The following NTRK3 variants were observed in gnomAD, a reference collection of about 807,000 sequenced individuals.
NTRK3 encodes the protein NT-3 growth factor receptor.
Under a neutral mutation model 91.7 loss-of-function variants are expected in NTRK3, and 24 were observed. The observed-to-expected ratio is 0.26, with a 90% CI of 0.19 to 0.37. The LOEUF is 0.37. Among genes scored for constraint, NTRK3 ranks in the 10% least tolerant of loss-of-function variants. The pLI is 1.00. For missense variants in NTRK3, 880 were observed against 1,068.9 expected, an observed-to-expected ratio of 0.82 and a Z score of 2.46; for synonymous variants, 483 against 404.0, an observed-to-expected ratio of 1.20 and a Z score of -2.34.
intron 13 of NTRK3, among the ~76,000 whole-genome samples, chr15:88,044,287 G>T (rs1311115779): frequency 7.5e-6 from 1 of 134,198 alleles, no homozygotes; most frequent in Non-Finnish European, 1.6e-5. Context: ...TTGAGATGGA[G>T]TCTTGCTCTG....
intron 5 of NTRK3, among the ~76,000 whole-genome samples, chr15:88,159,701 C>T (rs2044253224): frequency 6.6e-6 from 1 of 152,146 alleles, no homozygotes; most frequent in Non-Finnish European, 1.5e-5. Flanking sequence ...CGAGGGATGC[C>T]TGTGCAGGCT....
intron 17 of NTRK3, among the ~76,000 whole-genome samples, chr15:87,920,729 C>T (rs1312438820): frequency 1.3e-5 from 2 of 152,174 alleles, no homozygotes; most frequent in Admixed American, 1.3e-4. Context: ...GCCCACCTAT[C>T]TCTGTTGCAG....
chr15:87,907,426 G>A (rs2066838480), intron 17 of NTRK3, among the ~76,000 whole-genome samples: 1 of 152,124 alleles, frequency 6.6e-6, no homozygotes, highest in Non-Finnish European at 1.5e-5. Flanking sequence ...GAACCTGGGA[G>A]GTTATGCTTA....
chr15:88,245,882 T>C (rs1046137192), intron 3 of NTRK3, among the ~76,000 whole-genome samples: 1 of 152,190 alleles, frequency 6.6e-6, no homozygotes, highest in Non-Finnish European at 1.5e-5. Flanking sequence ...TAGGGTTGTA[T>C]ATGTAAATGA....
intron 3 of NTRK3, among the ~76,000 whole-genome samples, chr15:88,247,616 G>A (rs2052962990): frequency 6.6e-6 from 1 of 152,284 alleles, no homozygotes; most frequent in Non-Finnish European, 1.5e-5. Context: ...ACCCTACGGG[G>A]GTGCCGGGCT....
intron 17 of NTRK3, among the ~76,000 whole-genome samples, chr15:87,911,143 G>C (rs1308697681): frequency 6.6e-6 from 1 of 152,204 alleles, no homozygotes; most frequent in Non-Finnish European, 1.5e-5. Context: ...CACAGGGAGA[G>C]ACAAGAGACA....
chr15:87,940,494 C>T, intron 15 of NTRK3, 129 bp downstream of exon 15: 1 of 1,464,788 alleles, frequency 6.8e-7, no homozygotes, highest in South Asian at 1.2e-5. Context: ...GACCTCGGAG[C>T]AAAGTCCTTT....
chr15:87,877,642 C>A (rs2065012441), intron 18 of NTRK3, among the ~76,000 whole-genome samples: 1 of 152,112 alleles, frequency 6.6e-6, no homozygotes, highest in Admixed American at 6.5e-5. Flanking sequence ...ACCACACTTG[C>A]CTCTGAGTCA....
intron 3 of NTRK3, among the ~76,000 whole-genome samples, chr15:88,185,962 G>C (rs752773751): frequency 2.0e-5 from 3 of 152,210 alleles, no homozygotes; most frequent in Non-Finnish European, 2.9e-5. Flanking sequence ...GGCCAGGTTG[G>C]TGTTGGATTC....
chr15:88,169,686 G>T (rs1462422419), intron 5 of NTRK3, among the ~76,000 whole-genome samples: 1 of 152,182 alleles, frequency 6.6e-6, no homozygotes, highest in African/African-American at 2.4e-5. Flanking sequence ...CACCTTGTCA[G>T]TCTGGTTCCA....
At chr15:88,224,462 C>G (rs548261353) in intron 3 of NTRK3, among the ~76,000 whole-genome samples, 8 of 152,364 alleles carry the variant, frequency 5.3e-5, no homozygotes, top group African/African-American at 1.9e-4. Context: ...CACCTCCCAG[C>G]TGAGGGGACC....
At chr15:87,956,386 G>C (rs539474307) in intron 14 of NTRK3, among the ~76,000 whole-genome samples, 25 of 152,254 alleles carry the variant, frequency 1.6e-4, no homozygotes, top group Admixed American at 1.6e-3. Flanking sequence ...CGTTTCTCCT[G>C]CCTCAGCCTC....
intron 6 of NTRK3, among the ~76,000 whole-genome samples, chr15:88,142,088 G>A (rs570929735): frequency 4.6e-5 from 7 of 152,002 alleles, no homozygotes; most frequent in African/African-American, 7.3e-5. Context: ...ATCCACAATC[G>A]TCTTTATATC....
At position 88,235,814 on chromosome 15, in the gene NTRK3, C is replaced by G. The variant is rs1013136011; in HGVS notation, c.248+20092G>C. Among the ~76,000 whole-genome samples, 4 of 152,214 alleles carry G rather than the reference C, an allele frequency of 2.6e-5. No homozygotes were observed. Among genetic ancestry groups the G allele is most frequent in the African/African-American group, 9.6e-5 (4 of 41,458 alleles). ...AAGCTGTGCACCACAACAGGAACCC[C>G]CCTGGGGCTTTGAGTCAAACAGGAT... On this transcript the variant is annotated intron_variant, in intron 3 of 18. Transcript: ENST00000394480. This position sits in a 1 kb window ranked among gnomAD's most constrained non-coding sequence, Gnocchi z 5.2.
intron 3 of NTRK3, among the ~76,000 whole-genome samples, chr15:88,251,802 AG>A (rs999894917): frequency 4.6e-5 from 7 of 152,224 alleles, no homozygotes; most frequent in African/African-American, 1.7e-4. Flanking sequence ...GGAGCCTTCT[AG>A]GACCCTAAGG....
chr15:87,994,120 G>A (rs1348813532), intron 14 of NTRK3, among the ~76,000 whole-genome samples: 1 of 152,088 alleles, frequency 6.6e-6, no homozygotes, highest in Non-Finnish European at 1.5e-5. Flanking sequence ...GATCACATGC[G>A]GGTGGGAAAG....
At chr15:87,998,345 T>C (rs751379483) in intron 14 of NTRK3, among the ~76,000 whole-genome samples, 1 of 152,238 alleles carries the variant, frequency 6.6e-6, no homozygotes, top group Non-Finnish European at 1.5e-5. Context: ...TAAAAGCCCA[T>C]AGACCATTAA....
chr15:87,995,708 G>A (rs2075638866), intron 14 of NTRK3, among the ~76,000 whole-genome samples: 1 of 152,270 alleles, frequency 6.6e-6, no homozygotes, highest in Admixed American at 6.5e-5. Context: ...TAGGGCAGGG[G>A]CCAGCAAGCT....
intron 3 of NTRK3, among the ~76,000 whole-genome samples, chr15:88,201,714 C>T (rs1426290902): frequency 6.6e-6 from 1 of 152,118 alleles, no homozygotes; most frequent in Non-Finnish European, 1.5e-5. Flanking sequence ...GCTAGCCCTG[C>T]CTGCAGATGT....
Sources: allele counts gnomAD v4.1 joint callset (sites outside exome capture counted in the v4.1 genomes callset), GRCh38; gene constraint gnomAD v4.1.1; non-coding constraint Gnocchi (gnomAD v3.1); transcripts MANE v1.5; gene names NCBI Gene and HGNC (gene_info 2026-07-23, HGNC 2026-07-21).